The following SV2B variants were observed in gnomAD, a reference collection of about 807,000 sequenced individuals.
SV2B encodes synaptic vesicle glycoprotein 2B, also known as solute carrier family 22 member B2.
SV2B carries 41 observed loss-of-function variants against 73.9 expected under a neutral mutation model. The observed-to-expected ratio is 0.56, with a 90% CI of 0.43 to 0.72. SV2B has a LOEUF of 0.72. Among genes scored for constraint, SV2B ranks in the 30% least tolerant of loss-of-function variants. The probability of loss-of-function intolerance (pLI) is 0.00; values close to 1 mark genes in which losing one functional copy is unlikely to be tolerated. For missense variants in SV2B, 764 were observed against 857.8 expected (o/e 0.89, Z 1.37); for synonymous variants, 314 against 314.2 (o/e 1.00, Z 0.01).
chr15:91,256,026 G>A lies in SV2B; in HGVS notation c.785-2395G>A, dbSNP rs527529480. On this transcript the variant is annotated intron_variant, in intron 4 of 12. Coordinates refer to ENST00000394232, the MANE Select transcript of SV2B (RefSeq NM_001323032.3). ...GGAAGTCTTGGCACCAGGAATTTGA[G>A]TGATTGGCTCATTGAGAAAGAAAAT... is the stretch of plus-strand genomic sequence containing the variant. 8.5e-5 allele frequency among the ~76,000 whole-genome samples: 13 copies of A among 152,312 alleles called. No individual in the cohort carries two copies. In the South Asian group the frequency reaches 2.1e-3, roughly 24 times the overall value.
Position 91,267,454 on chromosome 15 carries a change from C to G in SV2B, c.1120-101C>G. On this transcript the variant is annotated intron_variant, in intron 7 of 12. Transcript: ENST00000394232. This position sits in a 1 kb window ranked among gnomAD's most constrained non-coding sequence, Gnocchi z 4.3. ...GGGGTACCGGTTCTCTCCATGGGTT[C>G]CTAGGCAACTTATTAGAATATCTGA... 4 of 1,051,488 alleles carry G rather than the reference C, an allele frequency of 3.8e-6. No homozygotes were observed. Among genetic ancestry groups the G allele is most frequent in the Non-Finnish European group, 5.8e-6 (4 of 695,558 alleles). 65.1% of individuals were successfully genotyped at this position (1,051,488 alleles called of 1,614,324 possible). A position where few individuals can be genotyped will look rare whatever the true frequency, so the allele number is the denominator to read the frequency against.
chr15:91,188,192 C>T (rs2044848892), intron 1 of SV2B, among the ~76,000 whole-genome samples: 1 of 151,944 alleles, frequency 6.6e-6, no homozygotes, highest in Non-Finnish European at 1.5e-5. Context: ...CTACCAAGGC[C>T]TAAAAAGAAC....
Position 91,258,510 on chromosome 15 carries a change from G to A in SV2B, c.874G>A (p.Val292Met). 6.2e-7 allele frequency: 1 copy of A among 1,614,118 alleles called. No homozygotes were observed. The highest frequency in any genetic ancestry group is 8.5e-7 in the Non-Finnish European group (1 of 1,179,984). The change falls in exon 5 of 13, where the codon GTG becomes ATG. Residue 292 changes from valine (V) to methionine (M), a missense_variant. Transcript: ENST00000394232. This position sits in a 1 kb window ranked among gnomAD's most constrained non-coding sequence, Gnocchi z 4.7. ...VCALPCTVSM[V>M]ALKFMPESPR... ...TGCTCTGCCCTGCACCGTGTCCATG[G>A]TGGCCCTGAAGTTCATGCCAGAGAG...
intron 1 of SV2B, among the ~76,000 whole-genome samples, chr15:91,176,801 G>A (rs12906117): frequency 0.32 from 47,785 of 149,790 alleles, 8,243 homozygotes; most frequent in East Asian, 0.7. Context: ...GCCCTTTGTC[G>A]GATGAGTAGG....
At chr15:91,152,588 AT>A (rs1225048932) in intron 1 of SV2B, among the ~76,000 whole-genome samples, 2 of 152,220 alleles carry the variant, frequency 1.3e-5, no homozygotes, top group African/African-American at 4.8e-5. Flanking sequence ...GCTTTCATAT[AT>A]TCAAAGTAAC....
rs899600191 is a variant in SV2B at position 91,190,654 on chromosome 15, G to A, written c.-391-35219G>A. ...CAGACATATGTTGTAGGTTTCTGAT[G>A]TTCCCGTTTTATGGTCAGAGACATA... On this transcript the variant is annotated intron_variant, in intron 1 of 12. Coordinates refer to ENST00000394232, the MANE Select transcript of SV2B (RefSeq NM_001323032.3). 2.0e-5 allele frequency among the ~76,000 whole-genome samples: 3 copies of A among 152,294 alleles called. No homozygotes were observed. In the East Asian group the frequency reaches 5.8e-4, roughly 29 times the overall value.
In SV2B at chr15:91,197,415, G is replaced by A. The variant is rs1401286538; in HGVS notation, c.-391-28458G>A. On this transcript the variant is annotated intron_variant, in intron 1 of 12. Transcript: ENST00000394232. This position sits in a 1 kb window ranked among gnomAD's most constrained non-coding sequence, Gnocchi z 4.9. ...GTTTTTATATTTTTTGTAGAGATGG[G>A]GTTTCTCCATGTTGGTCAGGCTGGT... Among the ~76,000 whole-genome samples, 1 of 151,376 alleles carries A rather than the reference G, an allele frequency of 6.6e-6. No individual in the cohort carries two copies. Among genetic ancestry groups the A allele is most frequent in the Non-Finnish European group, 1.5e-5 (1 of 67,834 alleles).
chr15:91,279,636 G>T (rs1023490274), intron 9 of SV2B, among the ~76,000 whole-genome samples: 16 of 152,134 alleles, frequency 1.1e-4, no homozygotes, highest in African/African-American at 3.6e-4. Context: ...CATTTTAAGG[G>T]CTGCCTGCGT....
chr15:91,298,039 G>C lies in SV2B; in HGVS notation c.*5487G>C, dbSNP rs927659244. On this transcript the variant is annotated 3_prime_UTR_variant, in exon 13 of 13. Coordinates refer to ENST00000394232, the MANE Select transcript of SV2B (RefSeq NM_001323032.3). The surrounding 1 kb of genome is among the most constrained non-coding windows in gnomAD (Gnocchi z 5.4). ...CTCTGATTCTATAAGCTTCCCCCTA[G>C]CTAGGGATGCACGGGGGTGATCAAG... The C allele has an allele frequency of 5.3e-5, 8 of 152,064 alleles. No individual in the cohort carries two copies. The highest frequency in any genetic ancestry group is 3.9e-4 in the Admixed American group (6 of 15,272). 9.4% of individuals were successfully genotyped at this position (152,064 alleles called of 1,614,324 possible). A position where few individuals can be genotyped will look rare whatever the true frequency, so the allele number is the denominator to read the frequency against.
intron 2 of SV2B, among the ~76,000 whole-genome samples, chr15:91,250,139 G>A (rs1025294890): frequency 1.3e-5 from 2 of 151,924 alleles, no homozygotes; most frequent in East Asian, 1.9e-4. Flanking sequence ...AATTAAATTC[G>A]ACAGCACATT....
At chr15:91,126,643 A>G (rs2042491587) in intron 1 of SV2B, among the ~76,000 whole-genome samples, 1 of 152,266 alleles carries the variant, frequency 6.6e-6, no homozygotes, top group Non-Finnish European at 1.5e-5. Flanking sequence ...GCAACATAAG[A>G]AAATGATTAT....
Position 91,130,037 on chromosome 15 carries a change from C to G in SV2B, c.-392+29674C>G, listed in dbSNP as rs896440553. Reference sequence around the variant, plus strand: ...GGATAAATTGGGAAGAGAGGGACGACAGGCCTGGGGCCACGTGGGCAGCTG... The same window carrying G: ...GGATAAATTGGGAAGAGAGGGACGAGAGGCCTGGGGCCACGTGGGCAGCTG... On this transcript the variant is annotated intron_variant, in intron 1 of 12. Coordinates refer to ENST00000394232, the MANE Select transcript of SV2B (RefSeq NM_001323032.3). This position sits in a 1 kb window ranked among gnomAD's most constrained non-coding sequence, Gnocchi z 5.6. Among the ~76,000 whole-genome samples, 9 of 152,194 alleles carry G rather than the reference C, an allele frequency of 5.9e-5. No homozygotes were observed. The highest frequency in any genetic ancestry group is 1.3e-4 in the Non-Finnish European group (9 of 68,030).
Position 91,137,014 on chromosome 15 carries a change from G to A in SV2B, c.-392+36651G>A, listed in dbSNP as rs1406717635. Reference sequence around the variant, plus strand: ...AAGACAACCTGCAGGCAAAGCAAAAGCACTGGTATGTGATTTTTAGGGAAG... The same window carrying A: ...AAGACAACCTGCAGGCAAAGCAAAAACACTGGTATGTGATTTTTAGGGAAG... On this transcript the variant is annotated intron_variant, in intron 1 of 12. Coordinates refer to ENST00000394232, the MANE Select transcript of SV2B (RefSeq NM_001323032.3). This position sits in a 1 kb window ranked among gnomAD's most constrained non-coding sequence, Gnocchi z 4.9. 3.3e-5 allele frequency among the ~76,000 whole-genome samples: 5 copies of A among 152,154 alleles called. No individual in the cohort carries two copies. Among genetic ancestry groups the A allele is most frequent in the African/African-American group, 1.2e-4 (5 of 41,444 alleles).
intron 1 of SV2B, among the ~76,000 whole-genome samples, chr15:91,103,966 T>C (rs914795513): frequency 3.3e-5 from 5 of 152,326 alleles, no homozygotes; most frequent in Admixed American, 3.3e-4. Context: ...GCTTGGCTGG[T>C]GGGTCTTCTT....
intron 1 of SV2B, among the ~76,000 whole-genome samples, chr15:91,101,660 C>T (rs1459249705): frequency 2.6e-5 from 4 of 152,100 alleles, no homozygotes; most frequent in East Asian, 3.9e-4. Flanking sequence ...TTAGGCATGG[C>T]GTGGATTTCA....
intron 4 of SV2B, among the ~76,000 whole-genome samples, chr15:91,256,845 A>G (rs981445537): frequency 1.3e-5 from 2 of 152,218 alleles, no homozygotes; most frequent in Non-Finnish European, 2.9e-5. Context: ...AACAGCAGAT[A>G]ATTGGTTAGG....
Position 91,262,252 on chromosome 15 carries a change from AAAAAAC to A in SV2B, c.1008+1868_1008+1873del, listed in dbSNP as rs372394399. Among the ~76,000 whole-genome samples, 1,033 of 152,264 alleles carry A rather than the reference AAAAAAC, an allele frequency of 6.8e-3. 12 individuals carry two copies. The highest frequency in any genetic ancestry group is 0.022 in the African/African-American group (931 of 41,530). ...TATTGTAAGGATTAAGTAAAACACC[AAAAAAC>A]AAAAACAAAAACAAAAACAAAAACC... On this transcript the variant is annotated intron_variant, in intron 6 of 12. Transcript: ENST00000394232.
intron 1 of SV2B, among the ~76,000 whole-genome samples, chr15:91,163,589 T>G (rs1411150976): frequency 6.6e-6 from 1 of 152,232 alleles, no homozygotes; most frequent in African/African-American, 2.4e-5. Flanking sequence ...TTCATATCCT[T>G]CGCCCACTTT....
intron 1 of SV2B, among the ~76,000 whole-genome samples, chr15:91,160,313 A>G (rs7497920): frequency 0.39 from 59,567 of 152,094 alleles, 12,174 homozygotes; most frequent in East Asian, 0.7. Flanking sequence ...TGTACCAGAT[A>G]TTAAAATATA....
Sources: allele counts gnomAD v4.1 joint callset (sites outside exome capture counted in the v4.1 genomes callset), GRCh38; gene constraint gnomAD v4.1.1; non-coding constraint Gnocchi (gnomAD v3.1); transcripts MANE v1.5; gene names NCBI Gene and HGNC (gene_info 2026-07-23, HGNC 2026-07-21).